Variants in EPC2 observed in about 807,000 individuals in gnomAD.
The protein encoded by EPC2 is enhancer of polycomb 2, also known as enhancer of polycomb homolog 2.
A neutral mutation model predicts 92.1 loss-of-function variants in EPC2; 14 were observed. That is an observed-to-expected ratio of 0.15 (90% CI 0.10 to 0.24). The LOEUF (loss-of-function observed/expected upper bound fraction) is 0.24, where lower values mean the gene tolerates loss of function less well. EPC2 is among the 10% of genes least tolerant of loss of function. The probability of loss-of-function intolerance (pLI) is 1.00; values close to 1 mark genes in which losing one functional copy is unlikely to be tolerated. For synonymous variants in EPC2, 340 were observed against 334.7 expected, an observed-to-expected ratio of 1.02 and a Z score of -0.17; for missense variants, 755 against 971.5, an observed-to-expected ratio of 0.78 and a Z score of 2.96.
chr2:148,708,965 A>G (rs956191059), intron 2 of EPC2, among the ~76,000 whole-genome samples: 3 of 152,184 alleles, frequency 2.0e-5, no homozygotes, highest in African/African-American at 4.8e-5. Flanking sequence ...CACCACTCCT[A>G]TTCAACATAG....
chr2:148,726,154 C>CTA (rs1354635813), intron 2 of EPC2, among the ~76,000 whole-genome samples: 1 of 152,058 alleles, frequency 6.6e-6, no homozygotes, highest in African/African-American at 2.4e-5. Flanking sequence ...TGTTAATAGT[C>CTA]TATTGTGTGT....
chr2:148,703,392 C>T (rs1681926931), intron 2 of EPC2, among the ~76,000 whole-genome samples: 1 of 151,904 alleles, frequency 6.6e-6, no homozygotes, highest in South Asian at 2.1e-4. Flanking sequence ...ATGGTGAAGT[C>T]AGTTTTTAAA....
intron 1 of EPC2, among the ~76,000 whole-genome samples, chr2:148,647,528 A>T (rs1683827364): frequency 6.6e-6 from 1 of 150,852 alleles, no homozygotes; most frequent in Non-Finnish European, 1.5e-5. Context: ...GGCTGGTCTC[A>T]GACTCCTGAC....
rs1682146920 is a variant in EPC2, at chr2:148,711,743, G to A, written c.313+21370G>A. 2.6e-5 allele frequency among the ~76,000 whole-genome samples: 4 copies of A among 152,020 alleles called. No homozygotes were observed. The South Asian group carries it at 8.3e-4, about 32-fold the overall frequency. Reference sequence around the variant, plus strand: ...TTTCCTAGCAGTTATATCAATTTTTGCCTCACATAGTTTGTTGCTCTGTCG... The same window carrying A: ...TTTCCTAGCAGTTATATCAATTTTTACCTCACATAGTTTGTTGCTCTGTCG... On this transcript the variant is annotated intron_variant, in intron 2 of 13. Coordinates refer to ENST00000258484, the MANE Select transcript of EPC2 (RefSeq NM_015630.4).
chr2:148,660,147 C>G (rs1196377402), intron 1 of EPC2, among the ~76,000 whole-genome samples: 1 of 151,836 alleles, frequency 6.6e-6, no homozygotes, highest in African/African-American at 2.4e-5. Flanking sequence ...TTCTTCCATA[C>G]TTTTTTTCTA....
At chr2:148,728,389 T>TA (rs1253688879) in intron 2 of EPC2, among the ~76,000 whole-genome samples, 1 of 152,120 alleles carries the variant, frequency 6.6e-6, no homozygotes, top group African/African-American at 2.4e-5. Flanking sequence ...TTTTTTTTTT[T>TA]AATCACTGCA....
At chr2:148,762,154 A>G (rs937766397) in intron 5 of EPC2, 1 of 280,792 alleles carries the variant, frequency 3.6e-6, no homozygotes, top group South Asian at 8.2e-5. Context: ...TGTAGATCCT[A>G]TACTTAATTT....
chr2:148,712,641 A>T (rs961796304), intron 2 of EPC2, among the ~76,000 whole-genome samples: 1 of 151,800 alleles, frequency 6.6e-6, no homozygotes, highest in Admixed American at 6.6e-5. Flanking sequence ...TGTAATCCCA[A>T]TACTTTGGGA....
intron 2 of EPC2, among the ~76,000 whole-genome samples, chr2:148,707,938 C>T (rs972027699): frequency 3.9e-5 from 6 of 152,134 alleles, no homozygotes; most frequent in African/African-American, 1.4e-4. Flanking sequence ...ATTAAAAGAA[C>T]TAGAGAAGCA....
intron 2 of EPC2, among the ~76,000 whole-genome samples, chr2:148,694,961 T>G (rs568333247): frequency 2.6e-5 from 4 of 152,262 alleles, no homozygotes; most frequent in Admixed American, 2.0e-4. Context: ...TTAGTAGAGA[T>G]AGGGTTTCAC....
chr2:148,753,423 T>A (rs1683115879), intron 3 of EPC2, among the ~76,000 whole-genome samples: 2 of 152,240 alleles, frequency 1.3e-5, no homozygotes, highest in Non-Finnish European at 1.5e-5. Context: ...CTAAGTTTGT[T>A]TTTATAATCA....
intron 1 of EPC2, among the ~76,000 whole-genome samples, chr2:148,683,255 C>T (rs941175593): frequency 5.3e-5 from 8 of 151,818 alleles, no homozygotes; most frequent in Admixed American, 1.3e-4. Context: ...TGCCAAGTCT[C>T]CAAAGTCCAT....
At chr2:148,691,271 G>T (rs531115999) in intron 2 of EPC2, among the ~76,000 whole-genome samples, 42 of 152,154 alleles carry the variant, frequency 2.8e-4, no homozygotes, top group Non-Finnish European at 5.6e-4. Flanking sequence ...TCCACAGACA[G>T]ATGCTAGTGT....
In EPC2 at chr2:148,771,254, G is replaced by A. The variant is rs1683511952; in HGVS notation, c.1587G>A (p.Gln529=). The part of the protein sequence containing the change: ...NIRSCRLQCF[Q]PRLLNLQDSD... ...GATCATGTCGACTACAGTGTTTCCA[G>A]CCAAGGCTACTAAATTTACAGGACA... The change falls in exon 10 of 14, where the codon CAG becomes CAA. Residue 529 remains glutamine (Q), a synonymous_variant. Coordinates refer to ENST00000258484, the MANE Select transcript of EPC2 (RefSeq NM_015630.4). 4 of 1,613,914 alleles carry A rather than the reference G, an allele frequency of 2.5e-6. No homozygotes were observed. Among genetic ancestry groups the A allele is most frequent in the Non-Finnish European group, 3.4e-6 (4 of 1,179,856 alleles).
intron 4 of EPC2, among the ~76,000 whole-genome samples, chr2:148,759,591 T>C (rs1683261302): frequency 6.6e-6 from 1 of 152,128 alleles, no homozygotes; most frequent in Admixed American, 6.5e-5. Flanking sequence ...TCTATGTGAA[T>C]ATCATTTTTT....
chr2:148,747,487 C>T (rs550548452), intron 3 of EPC2, among the ~76,000 whole-genome samples: 1 of 152,046 alleles, frequency 6.6e-6, no homozygotes, highest in African/African-American at 2.4e-5. Flanking sequence ...TTGACCCCAT[C>T]CTTCTCAGCA....
chr2:148,669,220 GT>G (rs1558803387), intron 1 of EPC2, among the ~76,000 whole-genome samples: 1 of 152,124 alleles, frequency 6.6e-6, no homozygotes, highest in Admixed American at 6.5e-5. Flanking sequence ...CTTACTAGTA[GT>G]TTCTTCTGGT....
At chr2:148,782,261 G>T (rs563155830) in intron 11 of EPC2, among the ~76,000 whole-genome samples, 3 of 152,118 alleles carry the variant, frequency 2.0e-5, no homozygotes, top group Admixed American at 6.5e-5. Flanking sequence ...TTGCAACCAG[G>T]CACGGTGGCT....
At chr2:148,699,781 G>A (rs754024695) in intron 2 of EPC2, among the ~76,000 whole-genome samples, 2 of 152,166 alleles carry the variant, frequency 1.3e-5, no homozygotes, top group Non-Finnish European at 2.9e-5. Context: ...CTGTAAACAT[G>A]TTTAGTTTTA....
Sources: gnomAD v4.1 joint callset for allele counts (sites outside exome capture counted in the v4.1 genomes callset) on GRCh38, gnomAD v4.1.1 for gene constraint, MANE v1.5 for transcripts, NCBI Gene and HGNC (gene_info 2026-07-23, HGNC 2026-07-21) for gene names.